The following NCOR1 variants were observed in gnomAD, a reference collection of about 807,000 sequenced individuals.
NCOR1 encodes the protein nuclear receptor corepressor 1.
NCOR1 carries 63 observed loss-of-function variants against 288.1 expected under a neutral mutation model. The ratio of observed to expected loss-of-function variants is 0.22; its 90% CI spans 0.18 to 0.27. NCOR1 has a LOEUF of 0.27. NCOR1 is among the 10% of genes least tolerant of loss of function. The probability of loss-of-function intolerance (pLI) is 1.00; values close to 1 mark genes in which losing one functional copy is unlikely to be tolerated. For missense variants in NCOR1, 2,397 were observed against 3,019.2 expected (o/e 0.79, Z 4.83); for synonymous variants, 1,007 against 1,065.9 (o/e 0.94, Z 1.08).
chr17:16,065,044 T>C, intron 33 of NCOR1, 25 bp from the exon 34 acceptor site: 4 of 1,606,020 alleles, frequency 2.5e-6, no homozygotes, highest in Non-Finnish European at 3.4e-6. Flanking sequence ...ATACAATTTA[T>C]GTTAAGTGTT....
At position 16,121,196 on chromosome 17, in the gene NCOR1, G is replaced by A. The variant is rs2072941085; in HGVS notation, c.1708C>T (p.Arg570Trp). Residue 570 changes from arginine to tryptophan, a missense_variant, in exon 16 of 46, where the codon CGG (arginine) becomes TGG (tryptophan). Arg to Trp is a moderately radical substitution (Grantham distance 101, BLOSUM62 -3). This residue lies in a region of NCOR1 where 113 missense variants were observed against 139.5 expected (regional missense o/e 0.81). Transcript: ENST00000268712. ...TGACTGTTGGCAGTCTTTCGCCCCC[G>A]GGGTGTGGCTTGCTCTCTTTCCTCA... ...ETEEREQATP[R>W]GRKTANSQGR... is the part of the protein sequence containing the mutation. 4 of 1,613,942 alleles carry A rather than the reference G, an allele frequency of 2.5e-6. No individual in the cohort carries two copies. Among genetic ancestry groups the A allele is most frequent in the Non-Finnish European group, 3.4e-6 (4 of 1,180,016 alleles).
chr17:16,092,650 TATATATATATATATA>T (rs2065387010), intron 21 of NCOR1, among the ~76,000 whole-genome samples: 3 of 13,184 alleles, frequency 2.3e-4, no homozygotes, highest in African/African-American at 4.9e-4. Flanking sequence ...GATCCATTTA[TATATATATATATATA>T]TATATATATA....
At chr17:16,073,258 C>T (rs2061979304) in intron 28 of NCOR1, among the ~76,000 whole-genome samples, 171 bp downstream of exon 28, 1 of 151,986 alleles carries the variant, frequency 6.6e-6, no homozygotes, top group African/African-American at 2.4e-5. Flanking sequence ...CAGATATAAA[C>T]TTAATATAAA....
At chr17:16,095,753 C>T (rs1200264521) in intron 21 of NCOR1, among the ~76,000 whole-genome samples, 5 of 145,438 alleles carry the variant, frequency 3.4e-5, no homozygotes, top group East Asian at 4.2e-4. Flanking sequence ...AGGTGAGGGG[C>T]GCCTCTGCCC....
At chr17:16,057,167 C>A (rs977864183) in intron 40 of NCOR1, 3 of 235,082 alleles carry the variant, frequency 1.3e-5, no homozygotes, top group Admixed American at 1.0e-4. Context: ...CTGATGCTGA[C>A]CCAGTAGAAA....
intron 14 of NCOR1, among the ~76,000 whole-genome samples, chr17:16,127,037 TTTA>T (rs1194409747): frequency 6.6e-6 from 1 of 152,000 alleles, no homozygotes; most frequent in Admixed American, 6.6e-5. Context: ...ATAACTCTAT[TTTA>T]TTATTTGTTA....
intron 44 of NCOR1, among the ~76,000 whole-genome samples, chr17:16,037,159 G>C (rs2056563347): frequency 6.6e-6 from 1 of 152,120 alleles, no homozygotes; most frequent in Non-Finnish European, 1.5e-5. Context: ...CCAGTCAGTG[G>C]AGGAGTCAGG....
intron 40 of NCOR1, chr17:16,056,942 C>G (rs1415887483): frequency 6.6e-6 from 1 of 151,706 alleles, no homozygotes; most frequent in Non-Finnish European, 1.5e-5. Flanking sequence ...TGACAGAAGT[C>G]TGAGGCCTAG....
chr17:16,105,375 CCA>C (rs1423788733), intron 19 of NCOR1, among the ~76,000 whole-genome samples: 1 of 151,942 alleles, frequency 6.6e-6, no homozygotes, highest in Non-Finnish European at 1.5e-5. Flanking sequence ...CACGATCGAG[CCA>C]CTGCACTCCA....
intron 9 of NCOR1, among the ~76,000 whole-genome samples, chr17:16,148,570 T>G (rs1321144454): frequency 6.7e-6 from 1 of 149,328 alleles, no homozygotes; most frequent in East Asian, 2.0e-4. Context: ...CCAGTGAACT[T>G]ATTTAGTGAG....
At chr17:16,203,700 TAAAC>T (rs138643123) in intron 1 of NCOR1, among the ~76,000 whole-genome samples, 3,514 of 152,234 alleles carry the variant, frequency 0.023, 89 homozygotes, top group African/African-American at 0.056. Flanking sequence ...TTGAATAAAA[TAAAC>T]AAACAAACTC....
At chr17:16,111,779 A>C (rs2070266466) in intron 18 of NCOR1, among the ~76,000 whole-genome samples, 1 of 151,912 alleles carries the variant, frequency 6.6e-6, no homozygotes, top group East Asian at 1.9e-4. Context: ...CTTAAATCTC[A>C]ATCTTTCTTT....
intron 18 of NCOR1, among the ~76,000 whole-genome samples, chr17:16,114,910 T>C (rs888807885): frequency 1.3e-5 from 2 of 152,108 alleles, no homozygotes; most frequent in African/African-American, 2.4e-5. Flanking sequence ...ACAGCTCCAT[T>C]AGGCAGTGCA....
chr17:16,082,293 A>C (rs2063528594), intron 23 of NCOR1, among the ~76,000 whole-genome samples: 1 of 152,240 alleles, frequency 6.6e-6, no homozygotes, highest in South Asian at 2.1e-4. Flanking sequence ...GCAAAGAAAC[A>C]TGAAAGTGTG....
At chr17:16,099,970 T>C (rs1173357432) in intron 20 of NCOR1, among the ~76,000 whole-genome samples, 2 of 152,190 alleles carry the variant, frequency 1.3e-5, no homozygotes, top group African/African-American at 4.8e-5. Context: ...ATATAAAATA[T>C]ATTGGATATG....
intron 3 of NCOR1, among the ~76,000 whole-genome samples, chr17:16,184,466 T>C (rs8068690): frequency 3.3e-4 from 50 of 152,270 alleles, no homozygotes; most frequent in African/African-American, 1.2e-3. Flanking sequence ...GAAAAGATGT[T>C]CAGTATCATT....
chr17:16,095,222 G>A (rs1284993462), intron 21 of NCOR1, among the ~76,000 whole-genome samples: 1 of 147,264 alleles, frequency 6.8e-6, no homozygotes, highest in African/African-American at 2.5e-5. Context: ...CCGCCGCCCC[G>A]TCTGGGATGT....
chr17:16,161,696 A>T (rs1307570504), intron 5 of NCOR1, among the ~76,000 whole-genome samples: 1 of 152,258 alleles, frequency 6.6e-6, no homozygotes, highest in African/African-American at 2.4e-5. Context: ...GATTTAGTCC[A>T]AGATGAACAC....
intron 14 of NCOR1, among the ~76,000 whole-genome samples, chr17:16,127,021 A>G (rs1455681759): frequency 6.6e-6 from 1 of 152,044 alleles, no homozygotes; most frequent in Non-Finnish European, 1.5e-5. Context: ...ATTACAGTAT[A>G]TTGCTATAAC....
Sources: allele counts gnomAD v4.1 joint callset (sites outside exome capture counted in the v4.1 genomes callset), GRCh38; gene constraint gnomAD v4.1.1; regional missense constraint gnomAD v4.1.1; transcripts MANE v1.5; gene names NCBI Gene and HGNC (gene_info 2026-07-23, HGNC 2026-07-21).